Variants in EPHA6 observed in about 807,000 individuals in gnomAD.
The protein encoded by EPHA6 is EPH receptor A6, also known as ephrin type-A receptor 6.
EPHA6 carries 50 observed loss-of-function variants against 112.0 expected under a neutral mutation model. The ratio of observed to expected loss-of-function variants is 0.45; its 90% CI spans 0.36 to 0.56. The LOEUF is 0.56. Among genes scored for constraint, EPHA6 ranks in the 20% least tolerant of loss-of-function variants. The pLI is 0.00. For missense variants in EPHA6, 1,280 were observed against 1,417.4 expected (o/e 0.90, Z 1.56); for synonymous variants, 529 against 490.7 (o/e 1.08, Z -1.03).
chr3:97,002,381 T>G (rs1359147059), intron 3 of EPHA6, among the ~76,000 whole-genome samples: 1 of 146,506 alleles, frequency 6.8e-6, no homozygotes, highest in Non-Finnish European at 1.5e-5. Context: ...ACCTTACTTA[T>G]GTAAATAATT....
At chr3:97,412,457 A>G (rs1441001993) in intron 6 of EPHA6, among the ~76,000 whole-genome samples, 11 of 152,006 alleles carry the variant, frequency 7.2e-5, no homozygotes, top group Non-Finnish European at 1.6e-4. Flanking sequence ...CCATGTCTTT[A>G]TCTCTTTTTC....
intron 6 of EPHA6, among the ~76,000 whole-genome samples, chr3:97,423,473 A>T (rs1188406884): frequency 6.6e-6 from 1 of 152,168 alleles, no homozygotes; most frequent in Non-Finnish European, 1.5e-5. Context: ...ACAATGATAA[A>T]TATAAAACGC....
At chr3:96,845,465 T>G (rs2035016054) in intron 1 of EPHA6, among the ~76,000 whole-genome samples, 1 of 152,014 alleles carries the variant, frequency 6.6e-6, no homozygotes, top group Admixed American at 6.6e-5. Context: ...GATGCCTCGC[T>G]GCTGATGTTG....
intron 5 of EPHA6, among the ~76,000 whole-genome samples, chr3:97,385,174 A>G (rs1043321714): frequency 2.0e-5 from 3 of 152,302 alleles, no homozygotes; most frequent in African/African-American, 4.8e-5. Context: ...AAAAATTAGT[A>G]TCTTTTGATG....
intron 2 of EPHA6, among the ~76,000 whole-genome samples, chr3:96,954,534 A>G (rs1486908083): frequency 6.6e-6 from 1 of 151,946 alleles, no homozygotes; most frequent in African/African-American, 2.4e-5. Flanking sequence ...TGTGGCTTGC[A>G]CCTCAGTCAG....
rs1426907114 is a variant in EPHA6 at position 97,748,629 on chromosome 3, A to G, written c.3321A>G (p.Arg1107=). Residue 1107 remains arginine (R), a synonymous_variant, in exon 18 of 18, where the codon AGA becomes AGG. Coordinates refer to ENST00000389672, the MANE Select transcript of EPHA6 (RefSeq NM_001080448.3). The part of the protein sequence containing the change: ...RIGVILIGHQ[R]RIVSSIQTLR... The stretch of plus-strand genomic sequence containing the variant: ...GAGTCATACTTATTGGACACCAGAG[A>G]CGAATAGTCAGCAGCATACAGACTT... 2 of 1,612,316 alleles carry G rather than the reference A, an allele frequency of 1.2e-6. No individual in the cohort carries two copies. The highest frequency in any genetic ancestry group is 1.7e-6 in the Non-Finnish European group (2 of 1,178,774).
At chr3:97,363,756 A>G (rs888677990) in intron 5 of EPHA6, among the ~76,000 whole-genome samples, 4 of 152,062 alleles carry the variant, frequency 2.6e-5, no homozygotes, top group East Asian at 1.9e-4. Flanking sequence ...AGCAACCCAA[A>G]TGTCCATTAA....
intron 5 of EPHA6, among the ~76,000 whole-genome samples, chr3:97,365,229 A>AT (rs1222633281): frequency 2.0e-5 from 3 of 152,264 alleles, no homozygotes; most frequent in Non-Finnish European, 4.4e-5. Context: ...ACTTAGATAC[A>AT]TTTTTAAAGA....
At chr3:97,275,927 G>A (rs1476680200) in intron 5 of EPHA6, among the ~76,000 whole-genome samples, 1 of 152,092 alleles carries the variant, frequency 6.6e-6, no homozygotes, top group South Asian at 2.1e-4. Flanking sequence ...CAGGGAAGCA[G>A]ATAATTTAGT....
chr3:96,848,042 T>C (rs2035175043), intron 1 of EPHA6, among the ~76,000 whole-genome samples: 1 of 152,108 alleles, frequency 6.6e-6, no homozygotes, highest in Non-Finnish European at 1.5e-5. Context: ...TACATAGGCT[T>C]GAAATTAAAG....
chr3:97,282,145 G>GT (rs370783032), intron 5 of EPHA6, among the ~76,000 whole-genome samples: 7 of 152,030 alleles, frequency 4.6e-5, no homozygotes, highest in African/African-American at 7.2e-5. Flanking sequence ...ATATTGCCCA[G>GT]TTTTTTTATC....
intron 13 of EPHA6, among the ~76,000 whole-genome samples, chr3:97,624,957 A>G (rs967748552): frequency 6.6e-6 from 1 of 151,478 alleles, no homozygotes; most frequent in African/African-American, 2.4e-5. Flanking sequence ...GTCAATCTAG[A>G]TAAAAGTTTG....
At chr3:97,011,720 G>A (rs1277404885) in intron 3 of EPHA6, among the ~76,000 whole-genome samples, 1 of 152,052 alleles carries the variant, frequency 6.6e-6, no homozygotes, top group African/African-American at 2.4e-5. Context: ...GTGACACTAA[G>A]GTTTCTGATA....
At position 97,060,634 on chromosome 3, in the gene EPHA6, G is replaced by A. The variant is rs140004516; in HGVS notation, c.1114+72641G>A. 9.7e-3 allele frequency among the ~76,000 whole-genome samples: 1,481 copies of A among 152,160 alleles called. 28 individuals carry two copies. The highest frequency in any genetic ancestry group is 0.033 in the African/African-American group (1,389 of 41,524). On this transcript the variant is annotated intron_variant, in intron 3 of 17. Coordinates refer to ENST00000389672, the MANE Select transcript of EPHA6 (RefSeq NM_001080448.3). ...GCTACATTATTAAAGAAAGTCGGCCGGGCGCGGTGGCTCACGCCTGTAATC... is the reference window on the plus strand; with the variant it reads ...GCTACATTATTAAAGAAAGTCGGCCAGGCGCGGTGGCTCACGCCTGTAATC...
intron 3 of EPHA6, among the ~76,000 whole-genome samples, chr3:97,180,712 G>T (rs1326594290): frequency 6.6e-6 from 1 of 152,040 alleles, no homozygotes; most frequent in African/African-American, 2.4e-5. Flanking sequence ...TGCTATGGCT[G>T]AGCTGGAATC....
chr3:97,596,875 A>AAT (rs62670860), intron 12 of EPHA6, among the ~76,000 whole-genome samples: 2,304 of 100,290 alleles, frequency 0.023, 61 homozygotes, highest in African/African-American at 0.059. Flanking sequence ...ATATCTATGG[A>AAT]ATATATATAT....
intron 3 of EPHA6, among the ~76,000 whole-genome samples, chr3:97,224,198 A>G (rs1366761451): frequency 6.6e-6 from 1 of 152,160 alleles, no homozygotes; most frequent in East Asian, 1.9e-4. Context: ...ATTTAAAATT[A>G]TTTATATGTG....
intron 1 of EPHA6, among the ~76,000 whole-genome samples, chr3:96,829,181 A>G (rs2044984381): frequency 2.0e-5 from 3 of 152,176 alleles, no homozygotes. Context: ...TTTTGCTTAA[A>G]ATATATGAAA....
At position 96,848,148 on chromosome 3, in the gene EPHA6, T is replaced by C. The variant is rs143571131; in HGVS notation, c.386-18677T>C. 8.5e-5 allele frequency among the ~76,000 whole-genome samples: 13 copies of C among 152,186 alleles called. No individual in the cohort carries two copies. In the East Asian group the frequency reaches 2.5e-3, roughly 29 times the overall value. On this transcript the variant is annotated intron_variant, in intron 1 of 17. Transcript: ENST00000389672. ...TATCTTACAAATTAGATTTTACTAT[T>C]AATTTTAATATGCTTGTTTTACTTA...
Sources: allele counts gnomAD v4.1 joint callset (sites outside exome capture counted in the v4.1 genomes callset), GRCh38; gene constraint gnomAD v4.1.1; transcripts MANE v1.5; gene names NCBI Gene and HGNC (gene_info 2026-07-23, HGNC 2026-07-21).